Variants in ETV6 observed in about 807,000 individuals in gnomAD.
The protein encoded by ETV6 is transcription factor ETV6.
In ETV6, 16 loss-of-function variants were observed where a neutral mutation model predicts 51.1. The observed-to-expected ratio is 0.31, with a 90% CI of 0.21 to 0.48. ETV6 has a LOEUF of 0.48. ETV6 is among the 20% of genes least tolerant of loss of function. The pLI is 0.99. For synonymous variants in ETV6, 240 were observed against 224.1 expected, an observed-to-expected ratio of 1.07 and a Z score of -0.64; for missense variants, 458 against 594.8, an observed-to-expected ratio of 0.77 and a Z score of 2.39.
chr12:11,839,711 C>G (rs1304876174), intron 3 of ETV6, among the ~76,000 whole-genome samples: 2 of 152,148 alleles, frequency 1.3e-5, no homozygotes, highest in Admixed American at 6.5e-5. Flanking sequence ...AAAACCTCAA[C>G]TCTACAGAAA....
At chr12:11,736,984 A>G (rs1865712656) in intron 1 of ETV6, among the ~76,000 whole-genome samples, 2 of 152,186 alleles carry the variant, frequency 1.3e-5, no homozygotes, top group Admixed American at 6.5e-5. Context: ...AAGGCAGACA[A>G]GGTCCCTGTG....
At chr12:11,668,628 A>G (rs1864243640) in intron 1 of ETV6, among the ~76,000 whole-genome samples, 1 of 152,126 alleles carries the variant, frequency 6.6e-6, no homozygotes, top group Non-Finnish European at 1.5e-5. Flanking sequence ...GCTGGGTCGG[A>G]GAAGGGCTAG....
At chr12:11,882,877 C>T (rs1947121357) in intron 5 of ETV6, among the ~76,000 whole-genome samples, 1 of 152,222 alleles carries the variant, frequency 6.6e-6, no homozygotes. Flanking sequence ...ATGTGCCAGG[C>T]CTAGGCCTTG....
intron 1 of ETV6, among the ~76,000 whole-genome samples, chr12:11,654,741 G>GT (rs1863968868): frequency 1.3e-5 from 2 of 152,144 alleles, no homozygotes; most frequent in African/African-American, 4.8e-5. Context: ...ATTTTTTACA[G>GT]TGCACAAAGG....
chr12:11,877,118 A>C (rs2855710), intron 5 of ETV6, among the ~76,000 whole-genome samples: 143,515 of 152,148 alleles, frequency 0.94, 68,268 homozygotes, highest in East Asian at 1. Flanking sequence ...AGATTCAATT[A>C]GGGAAGCCTC....
At chr12:11,719,988 C>G (rs559180748) in intron 1 of ETV6, among the ~76,000 whole-genome samples, 2 of 152,184 alleles carry the variant, frequency 1.3e-5, no homozygotes, top group Non-Finnish European at 2.9e-5. Flanking sequence ...CCTCTCCCAC[C>G]GTGGCCTCAG....
chr12:11,872,850 C>T (rs933589365), intron 5 of ETV6, among the ~76,000 whole-genome samples: 1 of 151,984 alleles, frequency 6.6e-6, no homozygotes, highest in African/African-American at 2.4e-5. Flanking sequence ...ATGATGGATG[C>T]GGCCTCATCG....
chr12:11,730,591 T>G (rs760387239), intron 1 of ETV6, among the ~76,000 whole-genome samples: 12 of 152,236 alleles, frequency 7.9e-5, no homozygotes, highest in Non-Finnish European at 1.3e-4. Flanking sequence ...GGGAGCCATG[T>G]TGCGGGGTGG....
At chr12:11,751,062 T>G (rs1866016725) in intron 1 of ETV6, among the ~76,000 whole-genome samples, 1 of 152,152 alleles carries the variant, frequency 6.6e-6, no homozygotes, top group Non-Finnish European at 1.5e-5. Context: ...ATATTCCAAC[T>G]GCCCTACTTG....
chr12:11,826,025 G>A (rs1297907037), intron 2 of ETV6, among the ~76,000 whole-genome samples: 2 of 151,850 alleles, frequency 1.3e-5, no homozygotes, highest in Admixed American at 6.6e-5. Context: ...CAAGGAGATG[G>A]GGCTCTTGCT....
chr12:11,797,008 A>G (rs1945688947), intron 2 of ETV6, among the ~76,000 whole-genome samples: 1 of 152,180 alleles, frequency 6.6e-6, no homozygotes, highest in African/African-American at 2.4e-5. Flanking sequence ...TGCCTGGCCT[A>G]GGGTAATTTC....
intron 3 of ETV6, 93 bp downstream of exon 3, chr12:11,839,397 C>A: frequency 2.4e-6 from 3 of 1,250,372 alleles, no homozygotes; most frequent in South Asian, 1.5e-5. Context: ...CAAGAAATCC[C>A]AACAGTGAGT....
chr12:11,828,982 C>T (rs1012625056), intron 2 of ETV6, among the ~76,000 whole-genome samples: 2 of 152,112 alleles, frequency 1.3e-5, no homozygotes, highest in Non-Finnish European at 2.9e-5. Context: ...TAGCCTGGGG[C>T]CTGAGCGGGC....
At chr12:11,705,667 A>T (rs1014094872) in intron 1 of ETV6, among the ~76,000 whole-genome samples, 1 of 152,266 alleles carries the variant, frequency 6.6e-6, no homozygotes, top group Admixed American at 6.5e-5. Flanking sequence ...TACTAGAAGA[A>T]AACATAATAA....
rs572710764 is a variant in ETV6 at position 11,790,578 on chromosome 12, A to G, written c.163+37999A>G. Among the ~76,000 whole-genome samples, 25 of 151,862 alleles carry G rather than the reference A, an allele frequency of 1.6e-4. No homozygotes were observed. The South Asian group carries it at 4.6e-3, about 28-fold the overall frequency. The stretch of plus-strand genomic sequence containing the variant: ...GGAGCACAGTGGGAGAAGAAGGGGT[A>G]GGGGGCACAGTGAGCACAGTGGTCA... On this transcript the variant is annotated intron_variant, in intron 2 of 7. Transcript: ENST00000396373.
intron 1 of ETV6, among the ~76,000 whole-genome samples, chr12:11,696,809 CTCT>C (rs370542431): frequency 7.4e-4 from 112 of 152,226 alleles, no homozygotes; most frequent in African/African-American, 2.6e-3. Flanking sequence ...GAGTATAAGA[CTCT>C]GTCTCAAAAA....
At chr12:11,688,670 A>G (rs2120780145) in intron 1 of ETV6, among the ~76,000 whole-genome samples, 1 of 152,314 alleles carries the variant, frequency 6.6e-6, no homozygotes, top group Non-Finnish European at 1.5e-5. Flanking sequence ...TTGGTGCCAA[A>G]GAATCCACAG....
intron 5 of ETV6, among the ~76,000 whole-genome samples, chr12:11,877,097 T>TA (rs1946998209): frequency 6.6e-6 from 1 of 152,182 alleles, no homozygotes; most frequent in Non-Finnish European, 1.5e-5. Context: ...GGATGAATTA[T>TA]ATATATACAA....
chr12:11,736,422 G>GACC (rs773754784), intron 1 of ETV6, among the ~76,000 whole-genome samples: 5 of 152,178 alleles, frequency 3.3e-5, no homozygotes, highest in Non-Finnish European at 5.9e-5. Context: ...AGAGATAGGT[G>GACC]ACATTTGGTG....
Sources: allele counts gnomAD v4.1 joint callset (sites outside exome capture counted in the v4.1 genomes callset), GRCh38; gene constraint gnomAD v4.1.1; transcripts MANE v1.5; gene names NCBI Gene and HGNC (gene_info 2026-07-23, HGNC 2026-07-21).